The following IL1RAPL2 variants were observed in gnomAD, a reference collection of about 807,000 sequenced individuals.
IL1RAPL2 encodes the protein interleukin 1 receptor accessory protein like 2, also known as X-linked interleukin-1 receptor accessory protein-like 2.
A neutral mutation model predicts 44.1 loss-of-function variants in IL1RAPL2; 3 were observed. The observed-to-expected ratio is 0.07, with a 90% CI of 0.03 to 0.18. The LOEUF (loss-of-function observed/expected upper bound fraction) is 0.18, where lower values mean the gene tolerates loss of function less well. IL1RAPL2 is among the 10% of genes least tolerant of loss of function. The pLI is 1.00. For synonymous variants in IL1RAPL2, 181 were observed against 178.8 expected, an observed-to-expected ratio of 1.01 and a Z score of -0.10; for missense variants, 391 against 496.4, an observed-to-expected ratio of 0.79 and a Z score of 2.02.
intron 2 of IL1RAPL2, among the ~76,000 whole-genome samples, chrX:105,136,315 CT>C (rs1245795565): frequency 8.9e-6 from 1 of 111,880 alleles, no homozygotes; most frequent in African/African-American, 3.2e-5. Context: ...ATTAGATTTT[CT>C]CTGGTATTAA....
At chrX:105,364,513 A>T (rs977447844) in intron 5 of IL1RAPL2, among the ~76,000 whole-genome samples, 4 of 111,000 alleles carry the variant, frequency 3.6e-5, no homozygotes, top group Non-Finnish European at 7.6e-5. Context: ...CACTTTGGGT[A>T]TTACAGGTGT....
At chrX:104,792,341 C>T (rs1286283535) in intron 2 of IL1RAPL2, among the ~76,000 whole-genome samples, 2 of 110,815 alleles carry the variant, frequency 1.8e-5, no homozygotes, top group Non-Finnish European at 3.8e-5. Flanking sequence ...CCCCAGATCG[C>T]TTCACTGTCT....
Position 104,805,165 on chromosome X carries a change from C to T in IL1RAPL2, c.82+146170C>T, listed in dbSNP as rs754803015. Reference sequence around the variant, plus strand: ...TCATCAGCCCACCCAGAGTTAATCACATTACCTCTCATAAGCCCATAGAAT... The same window carrying T: ...TCATCAGCCCACCCAGAGTTAATCATATTACCTCTCATAAGCCCATAGAAT... On this transcript the variant is annotated intron_variant, in intron 2 of 10. Coordinates refer to ENST00000372582, the MANE Select transcript of IL1RAPL2 (RefSeq NM_017416.2). 9.7e-4 allele frequency among the ~76,000 whole-genome samples: 108 copies of T among 111,676 alleles called. 1 individual carries two copies. Among genetic ancestry groups the T allele is most frequent in the African/African-American group, 3.1e-3 (96 of 30,738 alleles).
chrX:105,139,306 A>C (rs2033105095), intron 2 of IL1RAPL2, among the ~76,000 whole-genome samples: 1 of 111,915 alleles, frequency 8.9e-6, no homozygotes, highest in African/African-American at 3.3e-5. Flanking sequence ...CATATTACAC[A>C]GAATAAATCA....
At chrX:105,525,759 G>A (rs1402287095) in intron 6 of IL1RAPL2, among the ~76,000 whole-genome samples, 3 of 111,417 alleles carry the variant, frequency 2.7e-5, no homozygotes, top group Non-Finnish European at 5.7e-5. Flanking sequence ...GAGCACAAAA[G>A]ATAGAAAACA....
intron 2 of IL1RAPL2, among the ~76,000 whole-genome samples, chrX:104,906,517 G>A (rs781554147): frequency 2.7e-5 from 3 of 111,465 alleles, no homozygotes; most frequent in Non-Finnish European, 5.7e-5. Context: ...TAGCATGAAG[G>A]GTTGTTGAAT....
intron 2 of IL1RAPL2, among the ~76,000 whole-genome samples, chrX:105,180,356 C>A (rs782216512): frequency 0.052 from 5,086 of 98,563 alleles, 405 homozygotes; most frequent in African/African-American, 0.18. Flanking sequence ...AAAACAAAAA[C>A]AAAAAAAAAA....
At chrX:104,582,596 T>TTCTCTTTCTTTC (rs1387907561) in intron 1 of IL1RAPL2, among the ~76,000 whole-genome samples, 3 of 52,188 alleles carry the variant, frequency 5.7e-5, no homozygotes, top group Non-Finnish European at 1.1e-4. Flanking sequence ...CTTTCTTTCT[T>TTCTCTTTCTTTC]TTTCTTTCTT....
At chrX:104,938,683 A>C (rs973366696) in intron 2 of IL1RAPL2, among the ~76,000 whole-genome samples, 1 of 109,941 alleles carries the variant, frequency 9.1e-6, no homozygotes, top group Non-Finnish European at 1.9e-5. Flanking sequence ...TACAAAAAAA[A>C]AAAACCCAGT....
At chrX:105,470,197 G>A (rs1318572701) in intron 5 of IL1RAPL2, among the ~76,000 whole-genome samples, 2 of 111,424 alleles carry the variant, frequency 1.8e-5, no homozygotes, top group Admixed American at 9.6e-5. Context: ...TATATTTAGA[G>A]ATTTTATAAA....
chrX:104,575,692 G>A (rs1928231810), intron 1 of IL1RAPL2, among the ~76,000 whole-genome samples: 2 of 111,778 alleles, frequency 1.8e-5, no homozygotes, highest in East Asian at 2.8e-4. Context: ...TCTATACAGG[G>A]AATGGTCTTG....
intron 2 of IL1RAPL2, among the ~76,000 whole-genome samples, chrX:105,036,191 C>T (rs1019303273): frequency 4.5e-5 from 5 of 111,742 alleles, no homozygotes; most frequent in Non-Finnish European, 9.4e-5. Context: ...CCTCATTGAC[C>T]CTTTCCCACT....
intron 6 of IL1RAPL2, among the ~76,000 whole-genome samples, chrX:105,520,070 T>C (rs912523857): frequency 3.6e-5 from 4 of 111,837 alleles, no homozygotes; most frequent in African/African-American, 1.3e-4. Context: ...CTGCCCTAAC[T>C]AGTCTGACAA....
chrX:105,642,822 T>A (rs181874505), intron 6 of IL1RAPL2, among the ~76,000 whole-genome samples: 1 of 112,716 alleles, frequency 8.9e-6, no homozygotes, highest in African/African-American at 3.2e-5. Context: ...TATTCGTAGC[T>A]GATTATAGCT....
chrX:104,893,557 CTT>C (rs1341660280), intron 2 of IL1RAPL2, among the ~76,000 whole-genome samples: 1 of 111,333 alleles, frequency 9.0e-6, no homozygotes, highest in African/African-American at 3.3e-5. Flanking sequence ...TTCTTTGTCT[CTT>C]TTGATCTTTG....
intron 2 of IL1RAPL2, among the ~76,000 whole-genome samples, chrX:104,742,632 A>T (rs918938951): frequency 1.8e-5 from 2 of 111,694 alleles, no homozygotes; most frequent in African/African-American, 6.5e-5. Flanking sequence ...TAGTAAATGA[A>T]GTCATTCAGT....
chrX:105,100,955 T>G, intron 2 of IL1RAPL2, among the ~76,000 whole-genome samples: 1 of 112,737 alleles, frequency 8.9e-6, no homozygotes, highest in Middle Eastern at 4.6e-3. Flanking sequence ...TGCATTGAAA[T>G]AGTACTTGCT....
At chrX:104,894,580 G>C (rs1204681394) in intron 2 of IL1RAPL2, among the ~76,000 whole-genome samples, 1 of 111,646 alleles carries the variant, frequency 9.0e-6, no homozygotes, top group African/African-American at 3.3e-5. Context: ...GATCGAATCG[G>C]CTACTGAATC....
intron 2 of IL1RAPL2, among the ~76,000 whole-genome samples, chrX:105,181,639 A>AT (rs1386699780): frequency 1.8e-5 from 2 of 111,399 alleles, no homozygotes; most frequent in Non-Finnish European, 3.8e-5. Flanking sequence ...CCTCTTGTTT[A>AT]TTTTTTGTTT....
Sources: allele counts gnomAD v4.1 joint callset (sites outside exome capture counted in the v4.1 genomes callset), GRCh38; gene constraint gnomAD v4.1.1; transcripts MANE v1.5; gene names NCBI Gene and HGNC (gene_info 2026-07-23, HGNC 2026-07-21).